The following NGRN variants were observed in gnomAD, a reference collection of about 807,000 sequenced individuals.
NGRN encodes the protein neugrin, neurite outgrowth associated, also known as neugrin.
NGRN carries 12 observed loss-of-function variants against 13.1 expected under a neutral mutation model. The ratio of observed to expected loss-of-function variants is 0.92; its 90% CI spans 0.59 to 1.49. The LOEUF (loss-of-function observed/expected upper bound fraction) is 1.49. Ranked by LOEUF, NGRN falls within the 40% of genes most tolerant of loss-of-function variation. The probability of loss-of-function intolerance (pLI) is 0.00; values close to 1 mark genes in which losing one functional copy is unlikely to be tolerated. For missense variants in NGRN, 397 were observed against 357.0 expected, an observed-to-expected ratio of 1.11 and a Z score of -0.90; for synonymous variants, 149 against 145.8, an observed-to-expected ratio of 1.02 and a Z score of -0.16.
Position 90,266,509 on chromosome 15 carries a change from T to C in NGRN, c.275+111T>C, listed in dbSNP as rs933469588. Reference sequence around the variant, plus strand: ...ACTGCTTTTATATTTTCGTTTACTTTTTGTCGTTGAAATTTATTATCAGAA... The same window carrying C: ...ACTGCTTTTATATTTTCGTTTACTTCTTGTCGTTGAAATTTATTATCAGAA... On this transcript the variant is annotated intron_variant, in intron 2 of 2. Coordinates refer to ENST00000379095, the MANE Select transcript of NGRN (RefSeq NM_001033088.3). 19 of 790,956 alleles carry C rather than the reference T, an allele frequency of 2.4e-5. No individual in the cohort carries two copies. In the Admixed American group the frequency reaches 3.6e-4, roughly 15 times the overall value. 49.0% of individuals were successfully genotyped at this position (790,956 alleles called of 1,614,324 possible).
intron 2 of NGRN, among the ~76,000 whole-genome samples, chr15:90,269,179 T>C (rs574269123): frequency 7.5e-6 from 1 of 133,242 alleles, no homozygotes; most frequent in African/African-American, 2.9e-5. Context: ...TTTTTTTTTT[T>C]TTTTTTTTGG....
Position 90,271,185 on chromosome 15 carries a change from T to C in NGRN, c.276-3T>C, listed in dbSNP as rs922376635. On this transcript the variant is annotated splice_region_variant and splice_polypyrimidine_tract_variant and intron_variant, in intron 2 of 2. Transcript: ENST00000379095. Reference sequence around the variant, plus strand: ...CTTGCAAACCTGCTCCTTCTTCCCGTAGGTATTTACATGAGGAATTTCCAG... The same window carrying C: ...CTTGCAAACCTGCTCCTTCTTCCCGCAGGTATTTACATGAGGAATTTCCAG... 3.1e-6 allele frequency: 5 copies of C among 1,604,822 alleles called. No individual in the cohort carries two copies. In the African/African-American group the frequency reaches 4.0e-5, roughly 13 times the overall value.
Position 90,271,314 on chromosome 15 carries a change from G to A in NGRN, c.402G>A (p.Leu134=). Residue 134 remains leucine, a synonymous_variant, in exon 3 of 3, where the codon CTG becomes CTA. Coordinates refer to ENST00000379095, the MANE Select transcript of NGRN (RefSeq NM_001033088.3). ...TTTTACCCACATTGGAGCAGAAGCTGAAGCAGGATCAAAAAGTCCTTAAGA... is the reference window on the plus strand; with the variant it reads ...TTTTACCCACATTGGAGCAGAAGCTAAAGCAGGATCAAAAAGTCCTTAAGA... ...SKFLPTLEQK[L]KQDQKVLKKA... 2 of 1,614,132 alleles carry A rather than the reference G, an allele frequency of 1.2e-6. No individual in the cohort carries two copies. The highest frequency in any genetic ancestry group is 1.7e-6 in the Non-Finnish European group (2 of 1,180,050).
intron 2 of NGRN, among the ~76,000 whole-genome samples, chr15:90,268,816 G>A (rs182697607): frequency 1.7e-4 from 25 of 150,928 alleles, no homozygotes; most frequent in Non-Finnish European, 3.1e-4. Context: ...TTTAAATAAA[G>A]ACAGGATTTT....
At position 90,266,374 on chromosome 15, in the gene NGRN, C is replaced by A; in HGVS notation, c.251C>A (p.Thr84Lys). 1.2e-6 allele frequency: 2 copies of A among 1,613,618 alleles called. No homozygotes were observed. Among genetic ancestry groups the A allele is most frequent in the Non-Finnish European group, 1.7e-6 (2 of 1,179,824 alleles). ...EAPGAPPRTL[T>K]WEAMEQIRYL... is the part of the protein sequence containing the mutation. ...CCTGGTGCCCCGCCCAGGACCCTGA[C>A]GTGGGAAGCCATGGAGCAGATACGG... The change falls in exon 2 of 3, where the codon ACG becomes AAG. Residue 84 changes from threonine (T) to lysine (K), a missense_variant. Thr to Lys is a moderately conservative substitution (Grantham distance 78). Coordinates refer to ENST00000379095, the MANE Select transcript of NGRN (RefSeq NM_001033088.3).
intron 2 of NGRN, among the ~76,000 whole-genome samples, chr15:90,268,992 C>CTTTTTTT (rs71461858): frequency 4.4e-5 from 2 of 45,690 alleles, no homozygotes; most frequent in Non-Finnish European, 7.8e-5. Flanking sequence ...CTGATTCTCT[C>CTTTTTTT]TTTTTTTTTT....
In NGRN at chr15:90,271,468, A is replaced by C; in HGVS notation, c.556A>C (p.Asn186His). ...GCATGAAGCCTCATCTAAAGACCCA[A>C]ATCACAGCACAGCTTTGAAAGTGAT... ...PGHEASSKDP[N>H]HSTALKVIES... is the part of the protein sequence containing the mutation. Residue 186 changes from asparagine (N) to histidine (H), a missense_variant, in exon 3 of 3, where the codon AAT (asparagine) becomes CAT (histidine). Asn to His is a moderately conservative substitution (Grantham distance 68). Transcript: ENST00000379095. The C allele has an allele frequency of 6.2e-7, 1 of 1,614,072 alleles. No individual in the cohort carries two copies.
intron 2 of NGRN, among the ~76,000 whole-genome samples, chr15:90,270,246 C>T (rs914904590): frequency 2.0e-5 from 3 of 152,066 alleles, no homozygotes; most frequent in Admixed American, 6.6e-5. Context: ...AAAATTTTTC[C>T]TTGACTTGCT....
Position 90,266,538 on chromosome 15 carries a change from T to A in NGRN, c.275+140T>A, listed in dbSNP as rs576119904. On this transcript the variant is annotated intron_variant, in intron 2 of 2. Coordinates refer to ENST00000379095, the MANE Select transcript of NGRN (RefSeq NM_001033088.3). ...TCGTTGAAATTTATTATCAGAAAAG[T>A]AGAGTAATATAACGAACTTCCCTAA... 1.7e-4 allele frequency: 111 copies of A among 655,172 alleles called. 2 individuals are homozygous for A. In the South Asian group the frequency reaches 2.1e-3, roughly 12 times the overall value. The allele number at this position is 655,172 out of a possible 1,614,324, so 40.6% of individuals were successfully genotyped here.
rs1295704597 is a variant in NGRN, at chr15:90,271,572, C to G, written c.660C>G (p.Ser220Arg). 1 of 1,614,140 alleles carries G rather than the reference C, an allele frequency of 6.2e-7. No individual in the cohort carries two copies. The highest frequency in any genetic ancestry group is 1.7e-5 in the Admixed American group (1 of 60,012). Residue 220 changes from serine (S) to arginine (R), a missense_variant, in exon 3 of 3, where the codon AGC (serine) becomes AGG (arginine). Coordinates refer to ENST00000379095, the MANE Select transcript of NGRN (RefSeq NM_001033088.3). ...AAGAAATCCAGGACCTGGAGGAGAG[C>G]TTTGTGCCTGTTGCTGCACCCCTAG... ...RNKEIQDLEE[S>R]FVPVAAPLGH... is the part of the protein sequence containing the mutation.
At position 90,271,459 on chromosome 15, in the gene NGRN, A is replaced by G. The variant is rs774331317; in HGVS notation, c.547A>G (p.Lys183Glu). 1.6e-5 allele frequency: 26 copies of G among 1,613,976 alleles called. No individual in the cohort carries two copies. Among genetic ancestry groups the G allele is most frequent in the South Asian group, 5.5e-5 (5 of 91,088 alleles). ...LLMPGHEASSKDPNHSTALKV... is the reference protein window; with the variant it reads ...LLMPGHEASSEDPNHSTALKV... ...TATGCCAGGGCATGAAGCCTCATCT[A>G]AAGACCCAAATCACAGCACAGCTTT... The change falls in exon 3 of 3, where the codon AAA becomes GAA. Residue 183 changes from lysine (K) to glutamate (E), a missense_variant. Transcript: ENST00000379095.
chr15:90,267,241 T>C (rs573608386), intron 2 of NGRN, among the ~76,000 whole-genome samples: 2 of 152,004 alleles, frequency 1.3e-5, no homozygotes, highest in African/African-American at 4.8e-5. Flanking sequence ...ATGTTGCCCA[T>C]GCTAGTCTCC....
chr15:90,267,541 A>G (rs1310276510), intron 2 of NGRN, among the ~76,000 whole-genome samples: 1 of 152,174 alleles, frequency 6.6e-6, no homozygotes, highest in Non-Finnish European at 1.5e-5. Flanking sequence ...GGGTCTCACT[A>G]TGATGACCAG....
chr15:90,271,799 G>A lies in NGRN; in HGVS notation c.*11G>A. ...CTGTACAGAATTTGAGTCGGGGCTT[G>A]GCTTATGGAGATGCCTCGTGAAACA... On this transcript the variant is annotated 3_prime_UTR_variant, in exon 3 of 3. Transcript: ENST00000379095. 6.2e-7 allele frequency: 1 copy of A among 1,610,824 alleles called. No homozygotes were observed. The highest frequency in any genetic ancestry group is 8.5e-7 in the Non-Finnish European group (1 of 1,177,606).
chr15:90,270,538 C>T (rs2151660286), intron 2 of NGRN, among the ~76,000 whole-genome samples: 1 of 152,278 alleles, frequency 6.6e-6, no homozygotes, highest in South Asian at 2.1e-4. Flanking sequence ...GGGGTGCTGT[C>T]TTTGCATCCT....
intron 1 of NGRN, chr15:90,266,079 A>C: frequency 7.0e-7 from 1 of 1,424,248 alleles, no homozygotes. Context: ...TTTCATCATC[A>C]GTTTAGAGAG....
intron 2 of NGRN, among the ~76,000 whole-genome samples, chr15:90,266,864 G>T (rs16944099): frequency 0.067 from 10,230 of 152,224 alleles, 1,136 homozygotes; most frequent in African/African-American, 0.23. Context: ...GCTTCCATAG[G>T]TAGGTGCATT....
intron 2 of NGRN, among the ~76,000 whole-genome samples, chr15:90,267,841 G>T (rs143790818): frequency 6.6e-6 from 1 of 152,266 alleles, no homozygotes; most frequent in East Asian, 1.9e-4. Flanking sequence ...GATAAATATT[G>T]CTAAGTAGCC....
At position 90,271,562 on chromosome 15, in the gene NGRN, T is replaced by C. The variant is rs1963504821; in HGVS notation, c.650T>C (p.Leu217Pro). 1.2e-6 allele frequency: 2 copies of C among 1,613,966 alleles called. No individual in the cohort carries two copies. Among genetic ancestry groups the C allele is most frequent in the Non-Finnish European group, 1.7e-6 (2 of 1,180,030 alleles). The change falls in exon 3 of 3, where the codon CTG becomes CCG. Residue 217 changes from leucine to proline, a missense_variant. Coordinates refer to ENST00000379095, the MANE Select transcript of NGRN (RefSeq NM_001033088.3). ...RKGRNKEIQDLEESFVPVAAP... is the reference protein window; with the variant it reads ...RKGRNKEIQDPEESFVPVAAP... ...GGAAGAAATAAAGAAATCCAGGACC[T>C]GGAGGAGAGCTTTGTGCCTGTTGCT...
Sources: allele counts gnomAD v4.1 joint callset (sites outside exome capture counted in the v4.1 genomes callset), GRCh38; gene constraint gnomAD v4.1.1; transcripts MANE v1.5; gene names NCBI Gene and HGNC (gene_info 2026-07-23, HGNC 2026-07-21).